ALK: variants seen among roughly 807,000 people sequenced by gnomAD.
ALK encodes ALK receptor tyrosine kinase.
In ALK, 74 loss-of-function variants were observed where a neutral mutation model predicts 163.1. The observed-to-expected ratio is 0.45, with a 90% CI of 0.38 to 0.55. The LOEUF (loss-of-function observed/expected upper bound fraction) is 0.55, where lower values mean the gene tolerates loss of function less well. Among genes scored for constraint, ALK ranks in the 20% least tolerant of loss-of-function variants. ALK has a pLI of 0.00. For synonymous variants in ALK, 960 were observed against 843.2 expected (o/e 1.14, Z -2.40); for missense variants, 2,063 against 2,105.3 (o/e 0.98, Z 0.39).
At chr2:29,514,500 C>T (rs1672610277) in intron 4 of ALK, among the ~76,000 whole-genome samples, 1 of 152,188 alleles carries the variant, frequency 6.6e-6, no homozygotes, top group Admixed American at 6.5e-5. Context: ...AAGACTACTC[C>T]TGCATGCCAA....
intron 23 of ALK, among the ~76,000 whole-genome samples, chr2:29,217,883 ATG>A (rs1669684993): frequency 2.9e-5 from 1 of 34,758 alleles, no homozygotes; most frequent in Non-Finnish European, 5.5e-5. Context: ...TTCATGGCAC[ATG>A]TTTCTCCATC....
At chr2:29,530,749 T>A (rs1673099617) in intron 4 of ALK, among the ~76,000 whole-genome samples, 1 of 152,224 alleles carries the variant, frequency 6.6e-6, no homozygotes, top group Non-Finnish European at 1.5e-5. Context: ...ACACCTGCTA[T>A]GCCACACTGA....
At chr2:29,851,290 T>G (rs976846165) in intron 1 of ALK, among the ~76,000 whole-genome samples, 4 of 152,184 alleles carry the variant, frequency 2.6e-5, no homozygotes, top group Non-Finnish European at 4.4e-5. Flanking sequence ...TTTCCCCGGT[T>G]TACAAGGCCC....
chr2:29,390,604 C>G (rs1449685384), intron 4 of ALK, among the ~76,000 whole-genome samples: 1 of 151,788 alleles, frequency 6.6e-6, no homozygotes, highest in Non-Finnish European at 1.5e-5. Flanking sequence ...TTGAACCTCT[C>G]TCTCTAATCT....
At chr2:29,223,830 C>G (rs1198817927) in intron 19 of ALK, 1 of 472,414 alleles carries the variant, frequency 2.1e-6, no homozygotes, top group Non-Finnish European at 3.8e-6. Flanking sequence ...GGATTAGACC[C>G]AATATGGTCT....
intron 4 of ALK, among the ~76,000 whole-genome samples, chr2:29,492,128 G>A (rs978676416): frequency 6.6e-6 from 1 of 152,048 alleles, no homozygotes; most frequent in African/African-American, 2.4e-5. Context: ...ATATGCCATG[G>A]TTACCATTAC....
chr2:29,215,686 C>T (rs1669584983), intron 23 of ALK, among the ~76,000 whole-genome samples: 1 of 69,994 alleles, frequency 1.4e-5, no homozygotes, highest in Non-Finnish European at 3.3e-5. Flanking sequence ...GAGAGAGTGC[C>T]TGAAGGGGGT....
chr2:29,443,135 G>A lies in ALK; in HGVS notation c.1155-59276C>T, dbSNP rs149204919. Among the ~76,000 whole-genome samples, 932 of 152,270 alleles carry A rather than the reference G, an allele frequency of 6.1e-3. 20 individuals carry two copies. Among genetic ancestry groups the A allele is most frequent in the Non-Finnish European group, 3.9e-3 (262 of 68,022 alleles). On this transcript the variant is annotated intron_variant, in intron 4 of 28. Transcript: ENST00000389048. Reference sequence around the variant, plus strand: ...ATTTTTAACTAAACTTTCGCTTCTTGCACTTCTCCTCTTTCTCCTTGTTTG... The same window carrying A: ...ATTTTTAACTAAACTTTCGCTTCTTACACTTCTCCTCTTTCTCCTTGTTTG...
chr2:29,475,059 A>T (rs544520760), intron 4 of ALK, among the ~76,000 whole-genome samples: 3 of 152,080 alleles, frequency 2.0e-5, no homozygotes, highest in Non-Finnish European at 4.4e-5. Flanking sequence ...CCTTCTTCTT[A>T]TCTCCTCCAC....
chr2:29,700,008 G>A (rs1573566082), intron 2 of ALK, among the ~76,000 whole-genome samples: 1 of 152,262 alleles, frequency 6.6e-6, no homozygotes, highest in East Asian at 1.9e-4. Context: ...TTTGCATTTG[G>A]AAGATGAAAG....
chr2:29,769,641 G>T (rs1174142236), intron 1 of ALK, among the ~76,000 whole-genome samples: 1 of 152,224 alleles, frequency 6.6e-6, no homozygotes, highest in Admixed American at 6.5e-5. Flanking sequence ...TAAGCATGTG[G>T]ATGCATCGCT....
chr2:29,430,573 G>A (rs1199188837), intron 4 of ALK, among the ~76,000 whole-genome samples: 1 of 152,136 alleles, frequency 6.6e-6, no homozygotes, highest in Admixed American at 6.5e-5. Flanking sequence ...AAACCAGGTG[G>A]CTGGCCTGAG....
At chr2:29,474,923 C>G (rs1201525276) in intron 4 of ALK, among the ~76,000 whole-genome samples, 1 of 152,186 alleles carries the variant, frequency 6.6e-6, no homozygotes, top group East Asian at 1.9e-4. Flanking sequence ...CGGGGCCTGG[C>G]TGCCACACCT....
chr2:29,268,366 C>T (rs1477127158), intron 11 of ALK, among the ~76,000 whole-genome samples: 2 of 152,214 alleles, frequency 1.3e-5, no homozygotes, highest in Non-Finnish European at 2.9e-5. Context: ...CAAGTGAGGG[C>T]ACCTGTCCTG....
At position 29,204,505 on chromosome 2, in the gene ALK, G is replaced by A. The variant is rs1367927232; in HGVS notation, c.3938+2666C>T. ...CATGATTAGACTGTGGTTACGGGAT[G>A]TGGGGAGGAAGAAGACCACAGAGGT... is the stretch of plus-strand genomic sequence containing the variant. On this transcript the variant is annotated intron_variant, in intron 26 of 28. Transcript: ENST00000389048. Among the ~76,000 whole-genome samples, 4 of 149,288 alleles carry A rather than the reference G, an allele frequency of 2.7e-5. No individual in the cohort carries two copies. The East Asian group carries it at 8.8e-4, about 33-fold the overall frequency.
intron 22 of ALK, 55 bp from the exon 23 acceptor site, chr2:29,220,890 C>G (rs2148166880): frequency 6.2e-7 from 1 of 1,610,932 alleles, no homozygotes; most frequent in Non-Finnish European, 8.5e-7. Context: ...CTGGGCAAAT[C>G]TTAAACTGGG....
At chr2:29,249,603 T>G (rs1050795672) in intron 12 of ALK, among the ~76,000 whole-genome samples, 4 of 152,164 alleles carry the variant, frequency 2.6e-5, no homozygotes, top group African/African-American at 9.7e-5. Context: ...GCCTTACATG[T>G]GTTGCTAAGC....
chr2:29,343,176 G>A (rs1667847029), intron 5 of ALK, among the ~76,000 whole-genome samples: 1 of 149,220 alleles, frequency 6.7e-6, no homozygotes. Flanking sequence ...ATGAGCCACC[G>A]TGCCTGGCCG....
chr2:29,778,534 T>C (rs1484790901), intron 1 of ALK, among the ~76,000 whole-genome samples: 1 of 152,176 alleles, frequency 6.6e-6, no homozygotes, highest in African/African-American at 2.4e-5. Context: ...TGTGTGTATG[T>C]GTGTGTACAT....
Sources: gnomAD v4.1 joint callset for allele counts (sites outside exome capture counted in the v4.1 genomes callset) on GRCh38, gnomAD v4.1.1 for gene constraint, MANE v1.5 for transcripts, NCBI Gene and HGNC (gene_info 2026-07-23, HGNC 2026-07-21) for gene names.